The following ERI3 variants were observed in gnomAD, a reference collection of about 807,000 sequenced individuals.
ERI3 encodes ERI1 exoribonuclease family member 3, also known as ERI1 exoribonuclease 3.
A neutral mutation model predicts 44.4 loss-of-function variants in ERI3; 18 were observed. That is an observed-to-expected ratio of 0.41 (90% CI 0.28 to 0.60). The LOEUF (loss-of-function observed/expected upper bound fraction) is 0.60, where lower values mean the gene tolerates loss of function less well. Ranked by LOEUF, ERI3 falls within the 20% of genes least tolerant of loss-of-function variation. The probability of loss-of-function intolerance (pLI) is 0.36; values close to 1 mark genes in which losing one functional copy is unlikely to be tolerated. For missense variants in ERI3, 294 were observed against 435.5 expected (o/e 0.68, Z 2.89); for synonymous variants, 183 against 164.8 (o/e 1.11, Z -0.84).
intron 4 of ERI3, among the ~76,000 whole-genome samples, chr1:44,317,124 CAT>C (rs1247946986): frequency 1.4e-5 from 2 of 145,958 alleles, no homozygotes; most frequent in Admixed American, 7.0e-5. Context: ...TGTGTGTGCA[CAT>C]GTCATACGCA....
rs1644709382 is a variant in ERI3, at chr1:44,252,803, C to T, written c.832-4765G>A. ...GGACCCTCAGAGTGGAGTGGACGCACAGTGGGAAGGGCTGTGGTTGGGCTA... is the reference window on the plus strand; with the variant it reads ...GGACCCTCAGAGTGGAGTGGACGCATAGTGGGAAGGGCTGTGGTTGGGCTA... On this transcript the variant is annotated intron_variant, in intron 7 of 8. Transcript: ENST00000372257. The surrounding 1 kb of genome is among the most constrained non-coding windows in gnomAD (Gnocchi z 4.7). 6.6e-6 allele frequency among the ~76,000 whole-genome samples: 1 copy of T among 152,200 alleles called. No homozygotes were observed. Among genetic ancestry groups the T allele is most frequent in the Admixed American group, 6.5e-5 (1 of 15,286 alleles).
intron 3 of ERI3, chr1:44,323,073 G>C (rs1646237315): frequency 3.1e-6 from 2 of 652,344 alleles, no homozygotes. Flanking sequence ...GTTTATTTCA[G>C]AAACAGTTTT....
At chr1:44,266,503 TTA>T (rs1048156907) in intron 7 of ERI3, among the ~76,000 whole-genome samples, 10 of 152,192 alleles carry the variant, frequency 6.6e-5, no homozygotes, top group Non-Finnish European at 1.2e-4. Context: ...AGGAAACAAC[TTA>T]TCACAGTTCA....
intron 7 of ERI3, among the ~76,000 whole-genome samples, chr1:44,255,076 G>A (rs1415143076): frequency 6.6e-6 from 1 of 152,072 alleles, no homozygotes; most frequent in Non-Finnish European, 1.5e-5. Context: ...GATTAAATGA[G>A]GATTACTGTC....
chr1:44,299,882 G>A (rs1055830464), intron 6 of ERI3, among the ~76,000 whole-genome samples: 5 of 152,050 alleles, frequency 3.3e-5, no homozygotes, highest in African/African-American at 4.8e-5. Flanking sequence ...GTTGGATTCC[G>A]CCACAGAATA....
intron 7 of ERI3, among the ~76,000 whole-genome samples, chr1:44,255,423 TA>T (rs1435211499): frequency 2.6e-5 from 4 of 152,230 alleles, no homozygotes; most frequent in Non-Finnish European, 4.4e-5. Flanking sequence ...CAATCTCCTG[TA>T]TAGTCTCCTC....
intron 7 of ERI3, among the ~76,000 whole-genome samples, chr1:44,260,333 C>T (rs1025455231): frequency 6.6e-6 from 1 of 152,258 alleles, no homozygotes; most frequent in Admixed American, 6.5e-5. Flanking sequence ...TCCTGCCTCA[C>T]TGCACAGGCA....
chr1:44,285,212 T>G (rs1410557251), intron 6 of ERI3, among the ~76,000 whole-genome samples: 1 of 152,220 alleles, frequency 6.6e-6, no homozygotes, highest in Non-Finnish European at 1.5e-5. Flanking sequence ...ACATTTAATC[T>G]TCAAAGCAAT....
intron 3 of ERI3, among the ~76,000 whole-genome samples, chr1:44,322,243 A>T (rs1646218232): frequency 6.6e-6 from 1 of 152,182 alleles, no homozygotes; most frequent in South Asian, 2.1e-4. Flanking sequence ...CATTGCAGCA[A>T]ATAACAGCAA....
intron 8 of ERI3, among the ~76,000 whole-genome samples, chr1:44,243,056 C>T (rs974681938): frequency 1.3e-5 from 2 of 152,240 alleles, no homozygotes; most frequent in Admixed American, 6.5e-5. Context: ...AGAGCTAATG[C>T]GTTCTGACTG....
intron 7 of ERI3, among the ~76,000 whole-genome samples, chr1:44,250,605 C>G (rs1332730119): frequency 6.6e-6 from 1 of 152,122 alleles, no homozygotes; most frequent in African/African-American, 2.4e-5. Context: ...CTTGTCAGAG[C>G]GAGGGCGAGA....
intron 8 of ERI3, among the ~76,000 whole-genome samples, chr1:44,239,111 A>G (rs1644377043): frequency 6.6e-6 from 1 of 151,118 alleles, no homozygotes; most frequent in Admixed American, 6.6e-5. Flanking sequence ...GGAGACTGGA[A>G]GGGGCCTGGT....
chr1:44,280,022 C>A (rs1194986735), intron 7 of ERI3, among the ~76,000 whole-genome samples: 2 of 151,654 alleles, frequency 1.3e-5, no homozygotes, highest in East Asian at 3.9e-4. Context: ...ACCTAGATCA[C>A]CACATGTTAT....
chr1:44,296,144 C>A (rs1265122571), intron 6 of ERI3, among the ~76,000 whole-genome samples: 1 of 152,212 alleles, frequency 6.6e-6, no homozygotes, highest in Non-Finnish European at 1.5e-5. Flanking sequence ...CCCCCCTCCA[C>A]CGTGCCTCCC....
intron 4 of ERI3, among the ~76,000 whole-genome samples, chr1:44,318,960 G>GGGCTCCTCCCCTCTGCCAAT (rs1646145028): frequency 6.6e-6 from 1 of 152,144 alleles, no homozygotes; most frequent in Admixed American, 6.5e-5. Flanking sequence ...GAACTTGCAG[G>GGGCTCCTCCCCTCTGCCAAT]GGCTCCTCCC....
intron 7 of ERI3, among the ~76,000 whole-genome samples, chr1:44,284,303 A>G (rs1478990274): frequency 6.6e-6 from 1 of 152,064 alleles, no homozygotes; most frequent in Non-Finnish European, 1.5e-5. Context: ...CTCATGCCCA[A>G]AGGGAATTGG....
intron 7 of ERI3, 21 bp downstream of exon 7, chr1:44,284,814 G>T (rs780474592): frequency 3.7e-6 from 6 of 1,608,914 alleles, no homozygotes; most frequent in Non-Finnish European, 5.1e-6. Context: ...GAAGCACCCA[G>T]TTGGGGCTCA....
Position 44,339,053 on chromosome 1 carries a change from G to A in ERI3, c.481C>T (p.His161Tyr), listed in dbSNP as rs759588491. The change falls in exon 3 of 9, where the codon CAT (histidine) becomes TAT (tyrosine). Residue 161 changes from histidine to tyrosine, a missense_variant. Physicochemically the swap from His to Tyr is moderately conservative, Grantham distance 83. Coordinates refer to ENST00000372257, the MANE Select transcript of ERI3 (RefSeq NM_024066.3). ...FEATCDKPQI[H>Y]PQEIIEFPIL... The stretch of plus-strand genomic sequence containing the variant: ...AATGATGGAACAGTTACCTGAGGAT[G>A]AATCTGTGGCTTGTCGCACGTGGCC... 1.9e-6 allele frequency: 3 copies of A among 1,612,746 alleles called. No homozygotes were observed. Among genetic ancestry groups the A allele is most frequent in the African/African-American group, 1.3e-5 (1 of 74,854 alleles).
At chr1:44,318,119 A>T (rs1197404635) in intron 4 of ERI3, among the ~76,000 whole-genome samples, 1 of 152,136 alleles carries the variant, frequency 6.6e-6, no homozygotes, top group African/African-American at 2.4e-5. Context: ...ATTCCCACAA[A>T]AAGTAGCAGC....
Sources: allele counts gnomAD v4.1 joint callset (sites outside exome capture counted in the v4.1 genomes callset), GRCh38; gene constraint gnomAD v4.1.1; non-coding constraint Gnocchi (gnomAD v3.1); transcripts MANE v1.5; gene names NCBI Gene and HGNC (gene_info 2026-07-23, HGNC 2026-07-21).